KSR2: variants seen among roughly 807,000 people sequenced by gnomAD.
KSR2 encodes kinase suppressor of ras 2.
In KSR2, 25 loss-of-function variants were observed where a neutral mutation model predicts 107.8. The observed-to-expected ratio is 0.23, with a 90% CI of 0.17 to 0.32. KSR2 has a LOEUF of 0.32. Among genes scored for constraint, KSR2 ranks in the 10% least tolerant of loss-of-function variants. The pLI is 1.00. For synonymous variants in KSR2, 480 were observed against 507.0 expected (o/e 0.95, Z 0.71); for missense variants, 887 against 1,268.9 (o/e 0.70, Z 4.57).
At chr12:117,480,793 G>A (rs540678550) in intron 16 of KSR2, among the ~76,000 whole-genome samples, 1 of 152,142 alleles carries the variant, frequency 6.6e-6, no homozygotes, top group South Asian at 2.1e-4. Flanking sequence ...ACATTTAGGT[G>A]ACCTGTCCAA....
At chr12:117,673,010 G>C (rs537031) in intron 4 of KSR2, among the ~76,000 whole-genome samples, 150,757 of 152,308 alleles carry the variant, frequency 0.99, 74,620 homozygotes, top group East Asian at 1. Context: ...AGATAACCAC[G>C]GTCATCTCCA....
At chr12:117,754,675 C>T (rs1276507729) in intron 4 of KSR2, among the ~76,000 whole-genome samples, 2 of 151,270 alleles carry the variant, frequency 1.3e-5, no homozygotes, top group East Asian at 1.9e-4. Flanking sequence ...GTGGCAGGTG[C>T]CTGTAATCCC....
chr12:117,925,290 A>C (rs1200826109), intron 1 of KSR2, among the ~76,000 whole-genome samples: 5 of 151,918 alleles, frequency 3.3e-5, no homozygotes, highest in African/African-American at 1.2e-4. Flanking sequence ...TGCCCAGCTA[A>C]GTTTTGTATT....
At chr12:117,572,948 GC>G (rs892602278) in intron 7 of KSR2, among the ~76,000 whole-genome samples, 1 of 152,212 alleles carries the variant, frequency 6.6e-6, no homozygotes, top group African/African-American at 2.4e-5. Context: ...TACTGCAAAA[GC>G]AAACTTCTGC....
intron 4 of KSR2, among the ~76,000 whole-genome samples, chr12:117,689,848 G>A (rs1412490010): frequency 6.6e-6 from 1 of 151,784 alleles, no homozygotes; most frequent in Non-Finnish European, 1.5e-5. Context: ...AACTGAGAAA[G>A]ATAGTGAGAG....
At chr12:117,805,152 C>G (rs1431569398) in intron 3 of KSR2, among the ~76,000 whole-genome samples, 1 of 152,236 alleles carries the variant, frequency 6.6e-6, no homozygotes, top group Non-Finnish European at 1.5e-5. Context: ...CCACCAGAAA[C>G]AGATGGGAAG....
At chr12:117,479,258 C>G (rs1871999371) in intron 16 of KSR2, among the ~76,000 whole-genome samples, 1 of 152,224 alleles carries the variant, frequency 6.6e-6, no homozygotes, top group African/African-American at 2.4e-5. Flanking sequence ...GCAATCACAA[C>G]TCTTAATTGC....
At chr12:117,717,516 C>G (rs988981958) in intron 4 of KSR2, among the ~76,000 whole-genome samples, 3 of 152,058 alleles carry the variant, frequency 2.0e-5, no homozygotes, top group African/African-American at 7.2e-5. Context: ...AAGACCCTAT[C>G]TCAAAAATAA....
chr12:117,794,584 TCAA>T (rs1176465283), intron 3 of KSR2, among the ~76,000 whole-genome samples: 2 of 96,496 alleles, frequency 2.1e-5, no homozygotes, highest in Non-Finnish European at 4.1e-5. Context: ...CACACATACA[TCAA>T]CATGCACACT....
intron 3 of KSR2, among the ~76,000 whole-genome samples, chr12:117,804,322 C>A (rs1025359110): frequency 6.6e-6 from 1 of 152,202 alleles, no homozygotes; most frequent in Non-Finnish European, 1.5e-5. Flanking sequence ...GGATTACAGG[C>A]GTGAGCCACC....
At chr12:117,831,468 C>A (rs779905919) in intron 3 of KSR2, among the ~76,000 whole-genome samples, 2 of 152,170 alleles carry the variant, frequency 1.3e-5, no homozygotes, top group African/African-American at 2.4e-5. Context: ...GCAGGAACGC[C>A]AGGCACTTAA....
At chr12:117,837,492 G>C (rs576540500) in intron 3 of KSR2, among the ~76,000 whole-genome samples, 1 of 152,222 alleles carries the variant, frequency 6.6e-6, no homozygotes, top group East Asian at 1.9e-4. Flanking sequence ...ACACTGGGAG[G>C]AAAAGGCATC....
At chr12:117,958,135 G>A (rs946950416) in intron 1 of KSR2, among the ~76,000 whole-genome samples, 3 of 152,166 alleles carry the variant, frequency 2.0e-5, no homozygotes, top group South Asian at 2.1e-4. Context: ...ACCCAGCTGA[G>A]GTTGACCACT....
At chr12:117,708,417 G>C (rs1407989397) in intron 4 of KSR2, among the ~76,000 whole-genome samples, 2 of 152,080 alleles carry the variant, frequency 1.3e-5, no homozygotes, top group African/African-American at 4.8e-5. Flanking sequence ...TTAATGAGTA[G>C]TAGCACCAGA....
At chr12:117,561,970 T>G (rs911064197) in intron 7 of KSR2, among the ~76,000 whole-genome samples, 1 of 152,162 alleles carries the variant, frequency 6.6e-6, no homozygotes, top group African/African-American at 2.4e-5. Context: ...TAATGCAGCC[T>G]CTCTGTTTAT....
intron 3 of KSR2, among the ~76,000 whole-genome samples, chr12:117,849,721 A>G (rs1892846751): frequency 6.6e-6 from 1 of 151,834 alleles, no homozygotes; most frequent in South Asian, 2.1e-4. Context: ...AGACAGACAG[A>G]CAGACACAGA....
At chr12:117,612,080 C>T (rs527613365) in intron 5 of KSR2, among the ~76,000 whole-genome samples, 4 of 152,190 alleles carry the variant, frequency 2.6e-5, no homozygotes, top group African/African-American at 9.6e-5. Flanking sequence ...GTACTTGATG[C>T]CATAGACCTG....
chr12:117,487,843 G>A (rs148226189), intron 14 of KSR2, among the ~76,000 whole-genome samples: 127 of 152,224 alleles, frequency 8.3e-4, no homozygotes, highest in Middle Eastern at 6.8e-3. Context: ...ACTCCCGTAT[G>A]ACCTCAAGAG....
At chr12:117,608,794 A>C (rs1881429248) in intron 5 of KSR2, among the ~76,000 whole-genome samples, 1 of 152,102 alleles carries the variant, frequency 6.6e-6, no homozygotes, top group South Asian at 2.1e-4. Flanking sequence ...TTGGGCCCAC[A>C]CTGAACAGCA....
Sources: gnomAD v4.1 joint callset for allele counts (sites outside exome capture counted in the v4.1 genomes callset) on GRCh38, gnomAD v4.1.1 for gene constraint, MANE v1.5 for transcripts, NCBI Gene and HGNC (gene_info 2026-07-23, HGNC 2026-07-21) for gene names.